Variants in LMO7 observed in about 807,000 individuals in gnomAD.
The protein encoded by LMO7 is LIM domain only protein 7.
A neutral mutation model predicts 206.5 loss-of-function variants in LMO7; 120 were observed. That is an observed-to-expected ratio of 0.58 (90% CI 0.50 to 0.68). The LOEUF is 0.68. LMO7 is among the 30% of genes least tolerant of loss of function. The pLI is 0.00. For synonymous variants in LMO7, 706 were observed against 681.5 expected, an observed-to-expected ratio of 1.04 and a Z score of -0.56; for missense variants, 1,959 against 1,957.9, an observed-to-expected ratio of 1.00 and a Z score of -0.01.
At chr13:75,634,150 G>A (rs1366942070), upstream of LMO7, among the ~76,000 whole-genome samples, 2 of 151,976 alleles carry the variant, frequency 1.3e-5, no homozygotes, top group Non-Finnish European at 1.5e-5. Flanking sequence ...ACCATTTAGG[G>A]GTGAAATCTC....
At chr13:75,786,500 G>A (rs1052626986) in intron 4 of LMO7, among the ~76,000 whole-genome samples, 3 of 151,112 alleles carry the variant, frequency 2.0e-5, no homozygotes, top group Non-Finnish European at 2.9e-5. Flanking sequence ...TCAGCCTCCC[G>A]AGTAGCTGGG....
intron 1 of LMO7, among the ~76,000 whole-genome samples, chr13:75,710,284 C>T (rs1457910944): frequency 2.6e-5 from 4 of 151,932 alleles, no homozygotes; most frequent in Admixed American, 2.0e-4. Context: ...CAATGCAGGC[C>T]CTTTTTTGGT....
At chr13:75,839,986 A>C in intron 20 of LMO7, 99 bp from the exon 21 acceptor site, 1 of 1,127,256 alleles carries the variant, frequency 8.9e-7, no homozygotes, top group Non-Finnish European at 1.3e-6. Flanking sequence ...ATACTGGCAT[A>C]GAGACAGCTA....
chr13:75,803,813 TTG>T, intron 7 of LMO7, among the ~76,000 whole-genome samples: 1 of 152,040 alleles, frequency 6.6e-6, no homozygotes, highest in Non-Finnish European at 1.5e-5. Flanking sequence ...CTTTACAAGC[TTG>T]TTTTTTTTTT....
At chr13:75,642,250 A>G (rs906369266) in intron 1 of LMO7, among the ~76,000 whole-genome samples, 1 of 152,156 alleles carries the variant, frequency 6.6e-6, no homozygotes, top group African/African-American at 2.4e-5. Flanking sequence ...ATGCACTGAA[A>G]GCTAGAAATG....
intron 3 of LMO7, among the ~76,000 whole-genome samples, chr13:75,736,616 G>T (rs185108738): frequency 6.6e-6 from 1 of 152,358 alleles, no homozygotes; most frequent in Admixed American, 6.5e-5. Flanking sequence ...TTACATTCTA[G>T]TGAAGGAGGG....
chr13:75,719,044 A>G (rs2138318885), intron 2 of LMO7, among the ~76,000 whole-genome samples: 1 of 147,228 alleles, frequency 6.8e-6, no homozygotes, highest in South Asian at 2.1e-4. Context: ...CAATGGCGCG[A>G]TCTCGGCTTA....
chr13:75,710,703 G>A (rs2043031567), intron 1 of LMO7, among the ~76,000 whole-genome samples: 1 of 152,034 alleles, frequency 6.6e-6, no homozygotes, highest in Admixed American at 6.5e-5. Context: ...TTTGGGCTGA[G>A]ATGATGGGGT....
At chr13:75,750,166 A>G (rs1357880452) in intron 3 of LMO7, among the ~76,000 whole-genome samples, 2 of 152,166 alleles carry the variant, frequency 1.3e-5, no homozygotes, top group African/African-American at 4.8e-5. Flanking sequence ...CCTGCTACTT[A>G]GAAGTTGCTT....
At chr13:75,684,354 G>C (rs903769554) in intron 1 of LMO7, among the ~76,000 whole-genome samples, 4 of 152,268 alleles carry the variant, frequency 2.6e-5, no homozygotes, top group African/African-American at 9.6e-5. Flanking sequence ...GCGATTCCCT[G>C]CCTCAGCCTC....
chr13:75,734,837 C>T (rs1053117123), intron 3 of LMO7, among the ~76,000 whole-genome samples: 7 of 152,252 alleles, frequency 4.6e-5, no homozygotes, highest in East Asian at 3.9e-4. Context: ...TGGTGGCTCA[C>T]GCCTTTAATC....
At chr13:75,753,500 G>T (rs2047437651) in intron 3 of LMO7, among the ~76,000 whole-genome samples, 1 of 152,036 alleles carries the variant, frequency 6.6e-6, no homozygotes, top group African/African-American at 2.4e-5. Context: ...GATATGGTTT[G>T]GCTGTGTCCT....
chr13:75,814,571 G>A (rs1280832718), intron 11 of LMO7, among the ~76,000 whole-genome samples: 4 of 152,086 alleles, frequency 2.6e-5, no homozygotes, highest in African/African-American at 7.2e-5. Context: ...CACATTTATC[G>A]GGCACCTACT....
chr13:75,704,517 G>A (rs1211104462), intron 1 of LMO7, among the ~76,000 whole-genome samples: 3 of 152,132 alleles, frequency 2.0e-5, no homozygotes, highest in Non-Finnish European at 4.4e-5. Flanking sequence ...TTGAATACAA[G>A]CTCAAACAAT....
At chr13:75,790,983 C>CT (rs33998419) in intron 4 of LMO7, among the ~76,000 whole-genome samples, 56,997 of 145,738 alleles carry the variant, frequency 0.39, 11,565 homozygotes, top group East Asian at 0.59. Flanking sequence ...ATATCTACCC[C>CT]TTTTTTTTTT....
At chr13:75,716,894 CTTTTT>C (rs35871564) in intron 2 of LMO7, among the ~76,000 whole-genome samples, 10 of 138,764 alleles carry the variant, frequency 7.2e-5, no homozygotes, top group African/African-American at 1.9e-4. Context: ...TGAAAACACT[CTTTTT>C]TTTTTTTTTT....
At chr13:75,842,066 C>G in intron 24 of LMO7, 83 bp downstream of exon 24, 1 of 993,232 alleles carries the variant, frequency 1.0e-6, no homozygotes, top group Non-Finnish European at 1.5e-6. Flanking sequence ...CTTCCTGTTT[C>G]CTACCACCCA....
intron 1 of LMO7, among the ~76,000 whole-genome samples, chr13:75,643,572 G>T (rs934578052): frequency 1.3e-5 from 2 of 152,162 alleles, no homozygotes; most frequent in African/African-American, 4.8e-5. Flanking sequence ...ATGTGTTAGA[G>T]CCTGAGGAAA....
intron 2 of LMO7, among the ~76,000 whole-genome samples, chr13:75,719,082 C>A (rs567639995): frequency 6.6e-6 from 1 of 151,462 alleles, no homozygotes; most frequent in Admixed American, 6.6e-5. Context: ...TGGGTTCAAG[C>A]GATTCTCCTG....
Sources: allele counts gnomAD v4.1 joint callset (sites outside exome capture counted in the v4.1 genomes callset), GRCh38; gene constraint gnomAD v4.1.1; transcripts MANE v1.5; gene names NCBI Gene and HGNC (gene_info 2026-07-23, HGNC 2026-07-21).